Variants in ARHGAP24 observed in about 807,000 individuals in gnomAD.
ARHGAP24 encodes the protein Rho GTPase activating protein 24, also known as rho GTPase-activating protein 24.
Under a neutral mutation model 76.4 loss-of-function variants are expected in ARHGAP24, and 50 were observed. That is an observed-to-expected ratio of 0.65 (90% CI 0.52 to 0.83). ARHGAP24 has a LOEUF of 0.83. ARHGAP24 is among the 40% of genes least tolerant of loss of function. The probability of loss-of-function intolerance (pLI) is 0.00; values close to 1 mark genes in which losing one functional copy is unlikely to be tolerated. For synonymous variants in ARHGAP24, 345 were observed against 323.3 expected, an observed-to-expected ratio of 1.07 and a Z score of -0.72; for missense variants, 930 against 914.2, an observed-to-expected ratio of 1.02 and a Z score of -0.22.
chr4:85,622,300 T>C (rs1490118383), intron 2 of ARHGAP24, among the ~76,000 whole-genome samples: 2 of 120,810 alleles, frequency 1.7e-5, no homozygotes, highest in Non-Finnish European at 1.6e-5. Flanking sequence ...CCTGTGTCCA[T>C]GTGTTCTCAT....
At chr4:85,591,611 G>A (rs953626554) in intron 2 of ARHGAP24, among the ~76,000 whole-genome samples, 2 of 152,194 alleles carry the variant, frequency 1.3e-5, no homozygotes, top group Non-Finnish European at 2.9e-5. Context: ...TTAGTCACAA[G>A]TCACATAAAT....
intron 2 of ARHGAP24, among the ~76,000 whole-genome samples, chr4:85,675,600 T>G (rs1722953547): frequency 6.6e-6 from 1 of 152,172 alleles, no homozygotes; most frequent in Admixed American, 6.5e-5. Context: ...AGATCCGCCT[T>G]CCCAAGATGG....
chr4:85,832,892 G>A (rs1469559329), intron 3 of ARHGAP24, among the ~76,000 whole-genome samples: 5 of 152,126 alleles, frequency 3.3e-5, no homozygotes, highest in Admixed American at 1.3e-4. Flanking sequence ...GGGGTACCTG[G>A]GCATGGCAGT....
Position 85,605,817 on chromosome 4 carries a change from A to G in ARHGAP24, c.180+35096A>G, listed in dbSNP as rs535319540. ...TCTGTGCATTTCTCAATTTCTACAA[A>G]GAATATGTGTTGTTTAGCAACAACA... On this transcript the variant is annotated intron_variant, in intron 2 of 9. Coordinates refer to ENST00000395184, the MANE Select transcript of ARHGAP24 (RefSeq NM_001025616.3). 2.0e-5 allele frequency among the ~76,000 whole-genome samples: 3 copies of G among 152,314 alleles called. No homozygotes were observed. The South Asian group carries it at 6.2e-4, about 32-fold the overall frequency.
At chr4:85,561,221 C>T (rs1190320133) in intron 1 of ARHGAP24, among the ~76,000 whole-genome samples, 2 of 152,042 alleles carry the variant, frequency 1.3e-5, no homozygotes, top group Non-Finnish European at 2.9e-5. Flanking sequence ...TTGTAGAAGA[C>T]CTGAAGGATA....
intron 2 of ARHGAP24, among the ~76,000 whole-genome samples, chr4:85,609,218 A>T (rs552235072): frequency 1.3e-5 from 2 of 152,342 alleles, no homozygotes; most frequent in East Asian, 3.9e-4. Flanking sequence ...ACTGAACAAT[A>T]GAAATAGAAT....
chr4:85,836,663 T>C (rs1025018308), intron 3 of ARHGAP24, among the ~76,000 whole-genome samples: 7 of 152,212 alleles, frequency 4.6e-5, no homozygotes, highest in African/African-American at 1.7e-4. Flanking sequence ...ATATCTTTCC[T>C]GAGGAACATA....
chr4:85,973,518 AGTT>A (rs1644463704), intron 6 of ARHGAP24, among the ~76,000 whole-genome samples: 1 of 152,182 alleles, frequency 6.6e-6, no homozygotes, highest in South Asian at 2.1e-4. Context: ...GAAACACAAA[AGTT>A]GTACATTTTG....
intron 2 of ARHGAP24, among the ~76,000 whole-genome samples, chr4:85,590,307 C>T (rs1578060361): frequency 6.7e-6 from 1 of 149,230 alleles, no homozygotes; most frequent in Admixed American, 6.7e-5. Context: ...CTTCCCTTCC[C>T]TTCCTTTCCT....
intron 2 of ARHGAP24, among the ~76,000 whole-genome samples, chr4:85,637,616 A>T (rs1348385845): frequency 2.6e-5 from 4 of 151,604 alleles, no homozygotes; most frequent in Admixed American, 6.6e-5. Context: ...AAGATACTTG[A>T]TTTCAAAAAC....
chr4:85,775,167 G>A (rs4693736), intron 3 of ARHGAP24, among the ~76,000 whole-genome samples: 26,792 of 152,032 alleles, frequency 0.18, 3,186 homozygotes, highest in East Asian at 0.66. Flanking sequence ...GGGTATATGT[G>A]GGTGGGAGGA....
chr4:85,659,712 T>G (rs531120489), intron 2 of ARHGAP24, among the ~76,000 whole-genome samples: 148 of 152,356 alleles, frequency 9.7e-4, no homozygotes, highest in African/African-American at 3.4e-3. Flanking sequence ...ATTATAGTTC[T>G]TTCATCTCCT....
intron 3 of ARHGAP24, among the ~76,000 whole-genome samples, chr4:85,902,779 T>A (rs1333951383): frequency 6.6e-6 from 1 of 152,154 alleles, no homozygotes; most frequent in East Asian, 1.9e-4. Context: ...AATTTTTGTA[T>A]TTTTATTAAA....
intron 2 of ARHGAP24, among the ~76,000 whole-genome samples, chr4:85,689,088 A>G (rs924842899): frequency 5.9e-5 from 9 of 152,286 alleles, no homozygotes; most frequent in African/African-American, 2.2e-4. Context: ...GTGAAAAATA[A>G]CATTGGTGGT....
At chr4:85,718,403 G>A (rs776305140) in intron 2 of ARHGAP24, among the ~76,000 whole-genome samples, 9 of 152,054 alleles carry the variant, frequency 5.9e-5, no homozygotes, top group Admixed American at 1.3e-4. Flanking sequence ...GTATAAACAC[G>A]TAAAAGTATG....
chr4:85,947,763 G>A lies in ARHGAP24; in HGVS notation c.599+5490G>A, dbSNP rs563209471. Among the ~76,000 whole-genome samples, 3 of 152,298 alleles carry A rather than the reference G, an allele frequency of 2.0e-5. No homozygotes were observed. In the South Asian group the frequency reaches 6.2e-4, roughly 32 times the overall value. On this transcript the variant is annotated intron_variant, in intron 5 of 9. Coordinates refer to ENST00000395184, the MANE Select transcript of ARHGAP24 (RefSeq NM_001025616.3). ...GTTGTTTATTACAAATTGTGTAACA[G>A]TAAAAACTGAACACCAATTTATTAT...
At chr4:85,984,328 G>A (rs1209084890) in intron 8 of ARHGAP24, among the ~76,000 whole-genome samples, 1 of 152,138 alleles carries the variant, frequency 6.6e-6, no homozygotes, top group Admixed American at 6.6e-5. Context: ...TTATTATTAA[G>A]TTCTGAAGTC....
intron 5 of ARHGAP24, among the ~76,000 whole-genome samples, chr4:85,956,033 A>G (rs79634826): frequency 0.012 from 1,901 of 152,294 alleles, 33 homozygotes; most frequent in African/African-American, 0.043. Context: ...TGTGAATAAA[A>G]GATCTTAGGG....
In ARHGAP24 at chr4:85,977,663, A is replaced by G. The variant is rs772345499; in HGVS notation, c.900A>G (p.Lys300=). The change falls in exon 8 of 10, where the codon AAA becomes AAG. Residue 300 remains lysine, a synonymous_variant. Transcript: ENST00000395184. Reference sequence around the variant, plus strand: ...TTGGTCCTAATATCCTGCGCCCCAAAGTGGAAGATCCTTTGACTATCATGG... The same window carrying G: ...TTGGTCCTAATATCCTGCGCCCCAAGGTGGAAGATCCTTTGACTATCATGG... ...TVFGPNILRP[K]VEDPLTIMEG... 1 of 1,613,828 alleles carries G rather than the reference A, an allele frequency of 6.2e-7. No individual in the cohort carries two copies. Among genetic ancestry groups the G allele is most frequent in the Non-Finnish European group, 8.5e-7 (1 of 1,179,858 alleles).
Sources: allele counts gnomAD v4.1 joint callset (sites outside exome capture counted in the v4.1 genomes callset), GRCh38; gene constraint gnomAD v4.1.1; transcripts MANE v1.5; gene names NCBI Gene and HGNC (gene_info 2026-07-23, HGNC 2026-07-21).